The following ARHGEF10 variants were observed in gnomAD, a reference collection of about 807,000 sequenced individuals.
ARHGEF10 encodes Rho guanine nucleotide exchange factor 10.
Under a neutral mutation model 147.4 loss-of-function variants are expected in ARHGEF10, and 140 were observed. The ratio of observed to expected loss-of-function variants is 0.95; its 90% CI spans 0.83 to 1.09. The LOEUF (loss-of-function observed/expected upper bound fraction) is 1.09. Among genes scored for constraint, ARHGEF10 ranks in the 50% least tolerant of loss-of-function variants. The pLI is 0.00. For synonymous variants in ARHGEF10, 902 were observed against 695.8 expected (o/e 1.30, Z -4.67); for missense variants, 2,222 against 1,752.7 (o/e 1.27, Z -4.78).
Position 1,925,412 on chromosome 8 carries a change from G to C in ARHGEF10, c.2610+8G>C. On this transcript the variant is annotated splice_region_variant and intron_variant, in intron 22 of 28. Transcript: ENST00000349830. ...AAGCAGCAGGAGTTCAAGGTGAAGG[G>C]AGGCAGGGCCCGCGGCCCGGGGTGG... 1 of 1,613,920 alleles carries C rather than the reference G, an allele frequency of 6.2e-7. No individual in the cohort carries two copies. Among genetic ancestry groups the C allele is most frequent in the Non-Finnish European group, 8.5e-7 (1 of 1,179,978 alleles).
intron 2 of ARHGEF10, 71 bp from the exon 3 acceptor site, chr8:1,857,889 T>G (rs574390641): frequency 9.6e-7 from 1 of 1,038,068 alleles, no homozygotes; most frequent in Non-Finnish European, 1.5e-6. Flanking sequence ...GATCTATCTA[T>G]CTATCTATCT....
At chr8:1,870,233 A>ATTTTTTTTTT (rs60029592) in intron 7 of ARHGEF10, 1 of 98,766 alleles carries the variant, frequency 1.0e-5, no homozygotes, top group Non-Finnish European at 2.0e-5. Flanking sequence ...CTTGTTACCG[A>ATTTTTTTTTT]TTTTTTTTTT....
At chr8:1,936,783 T>A (rs1031977228) in intron 26 of ARHGEF10, among the ~76,000 whole-genome samples, 1 of 152,220 alleles carries the variant, frequency 6.6e-6, no homozygotes, top group African/African-American at 2.4e-5. Context: ...GAGACCGGTT[T>A]CAGGATGTGC....
At chr8:1,922,532 A>C (rs773705546) in intron 18 of ARHGEF10, among the ~76,000 whole-genome samples, 1 of 152,152 alleles carries the variant, frequency 6.6e-6, no homozygotes, top group Non-Finnish European at 1.5e-5. Flanking sequence ...CCCAGACTGG[A>C]GGAGATTTCA....
intron 18 of ARHGEF10, among the ~76,000 whole-genome samples, chr8:1,919,958 T>G (rs1474582262): frequency 6.7e-6 from 1 of 148,702 alleles, no homozygotes; most frequent in African/African-American, 2.5e-5. Flanking sequence ...GTTCTATGGG[T>G]GATGGAGCTG....
intron 11 of ARHGEF10, among the ~76,000 whole-genome samples, chr8:1,887,696 A>C (rs1230988278): frequency 1.3e-5 from 2 of 150,184 alleles, no homozygotes; most frequent in South Asian, 4.3e-4. Flanking sequence ...GTGAGGAGAC[A>C]GTGAGTGGGA....
chr8:1,881,142 T>G (rs1029109668), intron 9 of ARHGEF10, among the ~76,000 whole-genome samples: 1 of 151,942 alleles, frequency 6.6e-6, no homozygotes, highest in African/African-American at 2.4e-5. Flanking sequence ...CTGTGGGAAG[T>G]GGGAAAGGAA....
chr8:1,866,505 T>G (rs1051191827), intron 5 of ARHGEF10, 21 bp from the exon 6 acceptor site: 3 of 1,611,536 alleles, frequency 1.9e-6, no homozygotes, highest in Non-Finnish European at 2.5e-6. Context: ...TATTCTGACT[T>G]TATGGTTTGT....
chr8:1,869,510 G>T, intron 7 of ARHGEF10: 1 of 601,952 alleles, frequency 1.7e-6, no homozygotes, highest in Non-Finnish European at 3.0e-6. Context: ...GAAAATGCCG[G>T]CAAAGAGGTA....
intron 1 of ARHGEF10, among the ~76,000 whole-genome samples, chr8:1,831,116 C>G (rs1351805902): frequency 6.6e-6 from 1 of 152,236 alleles, no homozygotes; most frequent in Non-Finnish European, 1.5e-5. Flanking sequence ...GGCCACGGGC[C>G]AGACCCATGG....
intron 7 of ARHGEF10, among the ~76,000 whole-genome samples, chr8:1,872,066 A>G (rs758365600): frequency 2.6e-5 from 4 of 152,150 alleles, no homozygotes; most frequent in Non-Finnish European, 5.9e-5. Context: ...GAGGGATGGA[A>G]GAAGGAAGGA....
intron 16 of ARHGEF10, among the ~76,000 whole-genome samples, chr8:1,905,094 A>G (rs1810778393): frequency 6.6e-6 from 1 of 152,152 alleles, no homozygotes; most frequent in South Asian, 2.1e-4. Context: ...GTGCGGCTGC[A>G]CTCCAGCCTG....
chr8:1,846,496 G>T (rs1285017631), intron 2 of ARHGEF10, among the ~76,000 whole-genome samples: 1 of 152,196 alleles, frequency 6.6e-6, no homozygotes, highest in African/African-American at 2.4e-5. Flanking sequence ...GACACAGTTG[G>T]TGCTGTTACT....
At chr8:1,848,053 C>G (rs1363809910) in intron 2 of ARHGEF10, among the ~76,000 whole-genome samples, 1 of 152,214 alleles carries the variant, frequency 6.6e-6, no homozygotes, top group African/African-American at 2.4e-5. Context: ...GCGGCCAGTT[C>G]TCTCCCACTC....
intron 9 of ARHGEF10, among the ~76,000 whole-genome samples, chr8:1,881,962 C>G (rs184871231): frequency 6.6e-6 from 1 of 152,180 alleles, no homozygotes; most frequent in African/African-American, 2.4e-5. Context: ...TGGCAGGAGA[C>G]GCCTCAGACG....
In ARHGEF10 at chr8:1,958,188, C is replaced by T. The variant is rs1045411849; in HGVS notation, c.*925C>T. On this transcript the variant is annotated 3_prime_UTR_variant, in exon 29 of 29. Transcript: ENST00000349830. ...GCTTTAGCACGCACGCTCCGAATGA[C>T]TCCTGGTGCTAGGCCATGCTGGCTG... 6.6e-6 allele frequency: 1 copy of T among 152,280 alleles called. No homozygotes were observed. 9.4% of individuals were successfully genotyped at this position (152,280 alleles called of 1,614,324 possible). A position where few individuals can be genotyped will look rare whatever the true frequency, so the allele number is the denominator to read the frequency against.
intron 24 of ARHGEF10, among the ~76,000 whole-genome samples, chr8:1,928,980 CTA>C (rs1812901300): frequency 6.6e-6 from 1 of 152,156 alleles, no homozygotes; most frequent in Non-Finnish European, 1.5e-5. Context: ...CAGCCATATT[CTA>C]TGTCATGATC....
chr8:1,956,411 G>T (rs550469446), intron 28 of ARHGEF10, among the ~76,000 whole-genome samples: 1 of 152,234 alleles, frequency 6.6e-6, no homozygotes, highest in East Asian at 1.9e-4. Flanking sequence ...TATTTCCATA[G>T]GGTAAGTAAG....
chr8:1,938,255 G>A (rs991442938), intron 26 of ARHGEF10, among the ~76,000 whole-genome samples: 1 of 152,214 alleles, frequency 6.6e-6, no homozygotes, highest in Non-Finnish European at 1.5e-5. Flanking sequence ...AGTGCTAAGG[G>A]ATCTGACGTC....
Sources: allele counts gnomAD v4.1 joint callset (sites outside exome capture counted in the v4.1 genomes callset), GRCh38; gene constraint gnomAD v4.1.1; transcripts MANE v1.5; gene names NCBI Gene and HGNC (gene_info 2026-07-23, HGNC 2026-07-21).